Variants in KIAA1549L observed in about 807,000 individuals in gnomAD.
The protein encoded by KIAA1549L is UPF0606 protein KIAA1549L.
KIAA1549L carries 88 observed loss-of-function variants against 160.7 expected under a neutral mutation model. The observed-to-expected ratio is 0.55, with a 90% CI of 0.46 to 0.65. The LOEUF (loss-of-function observed/expected upper bound fraction) is 0.65. KIAA1549L is among the 30% of genes least tolerant of loss of function. KIAA1549L has a pLI of 0.00. For missense variants in KIAA1549L, 2,258 were observed against 2,437.5 expected (o/e 0.93, Z 1.55); for synonymous variants, 950 against 976.7 (o/e 0.97, Z 0.51).
chr11:33,480,736 G>A (rs1852394337), intron 1 of KIAA1549L, among the ~76,000 whole-genome samples: 1 of 152,162 alleles, frequency 6.6e-6, no homozygotes, highest in African/African-American at 2.4e-5. Context: ...CCTATTCTCC[G>A]TTTGTGCCAG....
At chr11:33,407,081 ATTTTTTTTTTTT>A (rs750670251) in intron 1 of KIAA1549L, among the ~76,000 whole-genome samples, 1 of 100,136 alleles carries the variant, frequency 1.0e-5, no homozygotes, top group Non-Finnish European at 1.9e-5. Flanking sequence ...TTCTTTTTTC[ATTTTTTTTTTTT>A]TTTTTTTTTG....
rs528992377 is a variant in KIAA1549L, at chr11:33,470,235, G to GT, written c.239-71566dup. Among the ~76,000 whole-genome samples the GT allele has an allele frequency of 8.5e-5, 13 of 152,064 alleles. No homozygotes were observed. In the East Asian group the frequency reaches 2.5e-3, roughly 29 times the overall value. On this transcript the variant is annotated intron_variant, in intron 1 of 20. Coordinates refer to ENST00000658780, the MANE Select transcript of KIAA1549L (RefSeq NM_012194.3). ...TCCAATTTTGTTGTTTTACATGTGGGTATCAATTGTCCCAGCACCATTCAT... is the reference window on the plus strand; with the variant it reads ...TCCAATTTTGTTGTTTTACATGTGGGTTATCAATTGTCCCAGCACCATTCAT...
intron 15 of KIAA1549L, among the ~76,000 whole-genome samples, chr11:33,614,653 G>A (rs1182194131): frequency 1.7e-5 from 2 of 116,528 alleles, no homozygotes; most frequent in African/African-American, 6.5e-5. Flanking sequence ...TCCCTCTGTT[G>A]CCAGGCTGGA....
intron 15 of KIAA1549L, among the ~76,000 whole-genome samples, chr11:33,614,543 T>C (rs1564924605): frequency 1.4e-4 from 1 of 6,990 alleles, no homozygotes; most frequent in Non-Finnish European, 2.9e-4. Context: ...TATATATATA[T>C]ATATATATAT....
chr11:33,599,099 T>C (rs1850287438), intron 13 of KIAA1549L, 152 bp downstream of exon 13: 1 of 798,326 alleles, frequency 1.3e-6, no homozygotes, highest in Non-Finnish European at 2.0e-6. Flanking sequence ...GCCAGGAGTC[T>C]GTATGTACCC....
intron 12 of KIAA1549L, among the ~76,000 whole-genome samples, chr11:33,596,502 C>T (rs1414454234): frequency 1.3e-5 from 2 of 151,956 alleles, no homozygotes; most frequent in African/African-American, 2.4e-5. Flanking sequence ...TTTGGGAGGC[C>T]GAGGCAAATG....
Position 33,591,353 on chromosome 11 carries a change from T to G in KIAA1549L, c.4683T>G (p.Pro1561=). The change falls in exon 12 of 21, where the codon CCT becomes CCG. Residue 1561 remains proline (P), a synonymous_variant. Transcript: ENST00000658780. ...TCCCACTGCCCATTAGAGATGCTCCTCAGGAAAGAGACGTCGCTCAGGATG... is the reference window on the plus strand; with the variant it reads ...TCCCACTGCCCATTAGAGATGCTCCGCAGGAAAGAGACGTCGCTCAGGATG... ...VVLPLPIRDA[P]QERDVAQDGS... The G allele has an allele frequency of 6.2e-7, 1 of 1,613,678 alleles. No individual in the cohort carries two copies. The highest frequency in any genetic ancestry group is 8.5e-7 in the Non-Finnish European group (1 of 1,179,698).
At chr11:33,650,473 T>A (rs1851852509) in intron 17 of KIAA1549L, among the ~76,000 whole-genome samples, 2 of 152,120 alleles carry the variant, frequency 1.3e-5, no homozygotes, top group Admixed American at 1.3e-4. Context: ...TCCTCCGTAT[T>A]TTATGGGGAC....
intron 6 of KIAA1549L, among the ~76,000 whole-genome samples, 165 bp from the exon 7 acceptor site, chr11:33,559,584 T>C (rs929028504): frequency 2.6e-5 from 4 of 152,118 alleles, no homozygotes; most frequent in African/African-American, 9.7e-5. Flanking sequence ...CAGCAAGCAA[T>C]CAGAAATGAT....
At chr11:33,643,367 G>A (rs1431014336) in intron 16 of KIAA1549L, among the ~76,000 whole-genome samples, 1 of 152,146 alleles carries the variant, frequency 6.6e-6, no homozygotes, top group African/African-American at 2.4e-5. Flanking sequence ...GGGCTCTTGG[G>A]GCAGTGGGAA....
intron 5 of KIAA1549L, 134 bp from the exon 6 acceptor site, chr11:33,551,974 T>C (rs910949568): frequency 2.1e-6 from 2 of 972,434 alleles, no homozygotes; most frequent in Non-Finnish European, 2.9e-6. Context: ...CAAGCAAACC[T>C]TGTCTGGCCT....
chr11:33,522,378 A>G (rs1248703229), intron 1 of KIAA1549L, among the ~76,000 whole-genome samples: 1 of 152,246 alleles, frequency 6.6e-6, no homozygotes, highest in Admixed American at 6.5e-5. Flanking sequence ...AGAATTAATA[A>G]TAGTATTCGT....
chr11:33,407,674 A>G (rs1431151605), intron 1 of KIAA1549L, among the ~76,000 whole-genome samples: 1 of 151,938 alleles, frequency 6.6e-6, no homozygotes, highest in Non-Finnish European at 1.5e-5. Context: ...CCTTCAAACC[A>G]CCCACCTGAA....
intron 10 of KIAA1549L, among the ~76,000 whole-genome samples, chr11:33,578,023 C>T (rs189127811): frequency 1.1e-4 from 17 of 152,268 alleles, no homozygotes; most frequent in Admixed American, 5.2e-4. Flanking sequence ...AGCCAAGACT[C>T]GCTTCCTTCA....
At chr11:33,527,350 A>G (rs1212259142) in intron 1 of KIAA1549L, among the ~76,000 whole-genome samples, 1 of 152,188 alleles carries the variant, frequency 6.6e-6, no homozygotes, top group Non-Finnish European at 1.5e-5. Flanking sequence ...GGGAAAGGAT[A>G]CCTTATTCAA....
intron 1 of KIAA1549L, among the ~76,000 whole-genome samples, chr11:33,447,186 A>G (rs1851628593): frequency 6.6e-6 from 1 of 152,186 alleles, no homozygotes; most frequent in African/African-American, 2.4e-5. Flanking sequence ...GGAACTGTGC[A>G]GGTGGAAAGT....
chr11:33,440,072 C>T (rs1480229412), intron 1 of KIAA1549L, among the ~76,000 whole-genome samples: 1 of 150,156 alleles, frequency 6.7e-6, no homozygotes, highest in African/African-American at 2.4e-5. Flanking sequence ...TTCTTTTTGC[C>T]CCCATTTGTC....
At chr11:33,624,336 A>C (rs1209908942) in intron 16 of KIAA1549L, among the ~76,000 whole-genome samples, 1 of 152,222 alleles carries the variant, frequency 6.6e-6, no homozygotes, top group African/African-American at 2.4e-5. Flanking sequence ...TCCATCTTCT[A>C]GTCCTAAGCA....
intron 16 of KIAA1549L, among the ~76,000 whole-genome samples, chr11:33,622,629 A>G (rs1850990500): frequency 1.3e-5 from 2 of 152,204 alleles, no homozygotes; most frequent in South Asian, 2.1e-4. Flanking sequence ...ATCCACAGCC[A>G]CAACCTCCTG....
Sources: gnomAD v4.1 joint callset for allele counts (sites outside exome capture counted in the v4.1 genomes callset) on GRCh38, gnomAD v4.1.1 for gene constraint, MANE v1.5 for transcripts, NCBI Gene and HGNC (gene_info 2026-07-23, HGNC 2026-07-21) for gene names.